The following MARCHF1 variants were observed in gnomAD, a reference collection of about 807,000 sequenced individuals.
The protein encoded by MARCHF1 is E3 ubiquitin-protein ligase MARCHF1.
MARCHF1 carries 40 observed loss-of-function variants against 54.2 expected under a neutral mutation model. That is an observed-to-expected ratio of 0.74 (90% CI 0.57 to 0.96). The LOEUF is 0.96. MARCHF1 is among the 40% of genes least tolerant of loss of function. The pLI is 0.00. For synonymous variants in MARCHF1, 236 were observed against 236.3 expected, an observed-to-expected ratio of 1.00 and a Z score of 0.01; for missense variants, 586 against 656.5, an observed-to-expected ratio of 0.89 and a Z score of 1.17.
At chr4:164,331,379 C>T (rs1181408183) in intron 1 of MARCHF1, among the ~76,000 whole-genome samples, 1 of 152,032 alleles carries the variant, frequency 6.6e-6, no homozygotes, top group African/African-American at 2.4e-5. Context: ...CTTTACAAAG[C>T]AAGCTGTTAA....
intron 1 of MARCHF1, among the ~76,000 whole-genome samples, chr4:164,273,783 C>G (rs1264790601): frequency 6.6e-6 from 1 of 152,048 alleles, no homozygotes; most frequent in Admixed American, 6.5e-5. Flanking sequence ...TAATGAAACT[C>G]CATTGGTGGT....
At chr4:163,971,638 G>A (rs1436283863) in intron 3 of MARCHF1, among the ~76,000 whole-genome samples, 1 of 152,206 alleles carries the variant, frequency 6.6e-6, no homozygotes, top group East Asian at 1.9e-4. Context: ...CCAGGGTGGA[G>A]TTACAGAAAC....
At chr4:164,172,064 G>A (rs1328496005) in intron 1 of MARCHF1, among the ~76,000 whole-genome samples, 2 of 152,084 alleles carry the variant, frequency 1.3e-5, no homozygotes, top group Non-Finnish European at 1.5e-5. Flanking sequence ...GCTCAATATG[G>A]AGTCTTTACA....
rs547816929 is a variant in MARCHF1 at position 164,129,605 on chromosome 4, G to C, written c.-322-17943C>G. Among the ~76,000 whole-genome samples, 5 of 152,234 alleles carry C rather than the reference G, an allele frequency of 3.3e-5. No homozygotes were observed. In the South Asian group the frequency reaches 1.0e-3, roughly 32 times the overall value. ...GCTATATATATTATTTTTTGAATTA[G>C]TTGATTATATGATTTTCTCATGTAA... On this transcript the variant is annotated intron_variant, in intron 1 of 9. Coordinates refer to ENST00000514618, the MANE Select transcript of MARCHF1 (RefSeq NM_001394959.1).
intron 8 of MARCHF1, among the ~76,000 whole-genome samples, chr4:163,563,262 G>T (rs78554052): frequency 6.6e-6 from 1 of 152,094 alleles, no homozygotes; most frequent in Non-Finnish European, 1.5e-5. Context: ...CAACCTTTCT[G>T]TGGTGGACAT....
chr4:163,618,500 C>T (rs1025818250), intron 5 of MARCHF1, among the ~76,000 whole-genome samples: 1 of 152,150 alleles, frequency 6.6e-6, no homozygotes, highest in Admixed American at 6.6e-5. Flanking sequence ...TTTCCCCTAT[C>T]TCAATAGCTT....
chr4:163,691,199 G>A (rs1358910373), intron 5 of MARCHF1, among the ~76,000 whole-genome samples: 1 of 152,172 alleles, frequency 6.6e-6, no homozygotes, highest in African/African-American at 2.4e-5. Context: ...GCATCTGGCT[G>A]GTAGGCTATG....
chr4:163,964,254 AAAT>A (rs373865009), intron 3 of MARCHF1, among the ~76,000 whole-genome samples: 295 of 152,124 alleles, frequency 1.9e-3, no homozygotes, highest in African/African-American at 6.8e-3. Context: ...AGAGAACAGA[AAAT>A]AACTTTTTTT....
intron 4 of MARCHF1, among the ~76,000 whole-genome samples, chr4:163,822,632 G>A (rs1748726834): frequency 1.3e-5 from 2 of 151,922 alleles, no homozygotes; most frequent in South Asian, 2.1e-4. Flanking sequence ...TATTAGATGT[G>A]CATATTTTAG....
chr4:164,228,476 A>G (rs1320998781), intron 1 of MARCHF1, among the ~76,000 whole-genome samples: 1 of 152,200 alleles, frequency 6.6e-6, no homozygotes, highest in Admixed American at 6.5e-5. Flanking sequence ...TGCATGTGGA[A>G]CCCTTTGGTG....
intron 4 of MARCHF1, among the ~76,000 whole-genome samples, chr4:163,782,323 T>C (rs1386613279): frequency 6.6e-6 from 1 of 152,072 alleles, no homozygotes; most frequent in African/African-American, 2.4e-5. Flanking sequence ...AGATTGACAT[T>C]ATCCAGCAAT....
chr4:163,795,619 T>C (rs760080460), intron 4 of MARCHF1, among the ~76,000 whole-genome samples: 1 of 152,242 alleles, frequency 6.6e-6, no homozygotes, highest in East Asian at 1.9e-4. Context: ...ATTTTTCTCT[T>C]GAACTGTCTG....
At chr4:164,376,551 T>C (rs925922084) in intron 1 of MARCHF1, among the ~76,000 whole-genome samples, 2 of 152,128 alleles carry the variant, frequency 1.3e-5, no homozygotes, top group Non-Finnish European at 2.9e-5. Context: ...TAAAGGCTAA[T>C]ACAGGTGCAT....
intron 2 of MARCHF1, among the ~76,000 whole-genome samples, chr4:164,030,225 C>T (rs1476769894): frequency 2.0e-5 from 3 of 151,158 alleles, no homozygotes; most frequent in Non-Finnish European, 4.4e-5. Flanking sequence ...TTTTATAAAA[C>T]AGAGTTTAAA....
chr4:163,827,157 G>C (rs1337817908), intron 4 of MARCHF1, among the ~76,000 whole-genome samples: 1 of 151,120 alleles, frequency 6.6e-6, no homozygotes, highest in Non-Finnish European at 1.5e-5. Context: ...TTTTATCTTC[G>C]GCTGAAAATA....
intron 8 of MARCHF1, among the ~76,000 whole-genome samples, chr4:163,576,936 G>A (rs917562261): frequency 1.3e-5 from 2 of 151,840 alleles, no homozygotes; most frequent in African/African-American, 2.4e-5. Context: ...TTTATTTTGA[G>A]CCTATGTATG....
At chr4:164,147,997 A>G (rs1729810848) in intron 1 of MARCHF1, among the ~76,000 whole-genome samples, 1 of 152,136 alleles carries the variant, frequency 6.6e-6, no homozygotes, top group African/African-American at 2.4e-5. Flanking sequence ...TGATAAAACA[A>G]AATACATTCA....
At chr4:163,560,318 C>T (rs893536442) in intron 8 of MARCHF1, among the ~76,000 whole-genome samples, 5 of 152,060 alleles carry the variant, frequency 3.3e-5, no homozygotes, top group Admixed American at 1.3e-4. Flanking sequence ...ATTGCTTTAT[C>T]GAAAATCAGT....
At chr4:164,289,190 G>T (rs1734224944) in intron 1 of MARCHF1, among the ~76,000 whole-genome samples, 1 of 151,972 alleles carries the variant, frequency 6.6e-6, no homozygotes, top group South Asian at 2.1e-4. Context: ...ACAAACACTA[G>T]TGTCTGTGGT....
Sources: gnomAD v4.1 joint callset for allele counts (sites outside exome capture counted in the v4.1 genomes callset) on GRCh38, gnomAD v4.1.1 for gene constraint, MANE v1.5 for transcripts, NCBI Gene and HGNC (gene_info 2026-07-23, HGNC 2026-07-21) for gene names.